The following NUBP1 variants were observed in gnomAD, a reference collection of about 807,000 sequenced individuals.
The protein encoded by NUBP1 is NUBP iron-sulfur cluster assembly factor 1, cytosolic, also known as cytosolic Fe-S cluster assembly factor NUBP1.
Under a neutral mutation model 41.8 loss-of-function variants are expected in NUBP1, and 46 were observed. The ratio of observed to expected loss-of-function variants is 1.10; its 90% CI spans 0.87 to 1.41. NUBP1 has a LOEUF of 1.41. NUBP1 is among the 40% of genes most tolerant of loss of function. The probability of loss-of-function intolerance (pLI) is 0.00; values close to 1 mark genes in which losing one functional copy is unlikely to be tolerated. For synonymous variants in NUBP1, 189 were observed against 154.6 expected, an observed-to-expected ratio of 1.22 and a Z score of -1.65; for missense variants, 494 against 414.0, an observed-to-expected ratio of 1.19 and a Z score of -1.68.
Position 10,743,850 on chromosome 16 carries a change from GC to G in NUBP1, c.-13del. The G allele has an allele frequency of 6.4e-7, 1 of 1,560,076 alleles. No individual in the cohort carries two copies. Among genetic ancestry groups the G allele is most frequent in the South Asian group, 1.2e-5 (1 of 84,546 alleles). On this transcript the variant is annotated 5_prime_UTR_variant, in exon 1 of 11. Transcript: ENST00000283027. ...GCGGGTTCCGGTGACCACGAAGGCG[GC>G]AAAGGCGACGGAATGGAGGAGGTGC...
intron 7 of NUBP1, among the ~76,000 whole-genome samples, chr16:10,760,670 AAGGCTGCAGTG>A (rs1209917390): frequency 1.3e-5 from 2 of 152,154 alleles, no homozygotes; most frequent in African/African-American, 4.8e-5. Flanking sequence ...CCAGGAGGTC[AAGGCTGCAGTG>A]AGCAATGATT....
Position 10,767,916 on chromosome 16 carries a change from A to G in NUBP1, c.821-33A>G, listed in dbSNP as rs760645512. On this transcript the variant is annotated intron_variant, in intron 9 of 10. Coordinates refer to ENST00000283027, the MANE Select transcript of NUBP1 (RefSeq NM_002484.4). The surrounding 1 kb of genome is among the most constrained non-coding windows in gnomAD (Gnocchi z 4.6). ...TGTGGCCATTCTGTTTTCCTCTTGG[A>G]CTGAATTGTCTTCCGTTTGTTTCTT... The G allele has an allele frequency of 6.2e-7, 1 of 1,601,458 alleles. No individual in the cohort carries two copies. The highest frequency in any genetic ancestry group is 8.6e-7 in the Non-Finnish European group (1 of 1,168,588).
chr16:10,766,565 C>G lies in NUBP1; in HGVS notation c.821-1384C>G, dbSNP rs2030904538. 1 of 165,526 alleles carries G rather than the reference C, an allele frequency of 6.0e-6. No homozygotes were observed. 10.3% of individuals were successfully genotyped at this position (165,526 alleles called of 1,614,324 possible). ...CCAGGTCTGGCCCAGCGAACGTGCA[C>G]TCAGGGGCCTCCCTAGCGAGTTCCA... On this transcript the variant is annotated intron_variant, in intron 9 of 10. Coordinates refer to ENST00000283027, the MANE Select transcript of NUBP1 (RefSeq NM_002484.4). This position sits in a 1 kb window ranked among gnomAD's most constrained non-coding sequence, Gnocchi z 4.8.
intron 4 of NUBP1, among the ~76,000 whole-genome samples, chr16:10,753,641 C>G (rs748705841): frequency 2.0e-5 from 3 of 151,968 alleles, no homozygotes; most frequent in Non-Finnish European, 2.9e-5. Flanking sequence ...CATGAAGACC[C>G]CTGTCTGGGT....
rs1320401941 is a variant in NUBP1 at position 10,749,376 on chromosome 16, G to A, written c.258+2100G>A. ...TCACCACTTGCAAGTAACCACTTGT[G>A]AGTAGACAACTGTTTACATCCTTCA... On this transcript the variant is annotated intron_variant, in intron 3 of 10. Transcript: ENST00000283027. This position sits in a 1 kb window ranked among gnomAD's most constrained non-coding sequence, Gnocchi z 4.1. Among the ~76,000 whole-genome samples, 1 of 152,174 alleles carries A rather than the reference G, an allele frequency of 6.6e-6. No individual in the cohort carries two copies. The highest frequency in any genetic ancestry group is 2.4e-5 in the African/African-American group (1 of 41,444).
At chr16:10,750,021 C>A (rs1285918235) in intron 3 of NUBP1, among the ~76,000 whole-genome samples, 6 of 152,096 alleles carry the variant, frequency 3.9e-5, no homozygotes, top group Non-Finnish European at 7.4e-5. Context: ...AGACCCCTGT[C>A]TCTACAAAAC....
At chr16:10,752,255 C>G (rs1457538689) in intron 3 of NUBP1, among the ~76,000 whole-genome samples, 1 of 152,198 alleles carries the variant, frequency 6.6e-6, no homozygotes, top group Non-Finnish European at 1.5e-5. Context: ...GCTGTTCCAT[C>G]CATTCTGTCA....
Position 10,757,103 on chromosome 16 carries a change from C to G in NUBP1, c.451+323C>G, listed in dbSNP as rs747295472. Among the ~76,000 whole-genome samples the G allele has an allele frequency of 2.1e-4, 32 of 152,070 alleles. 1 individual carries two copies. Among genetic ancestry groups the G allele is most frequent in the Admixed American group, 9.8e-4 (15 of 15,250 alleles). ...TCACCTGAGGTCAGGAGTTCAAGAC[C>G]AGCCTCGCCGACATGGTGAAACCCT... On this transcript the variant is annotated intron_variant, in intron 6 of 10. Transcript: ENST00000283027. The surrounding 1 kb of genome is among the most constrained non-coding windows in gnomAD (Gnocchi z 4.1).
In NUBP1 at chr16:10,767,674, A is replaced by C; in HGVS notation, c.821-275A>C. On this transcript the variant is annotated intron_variant, in intron 9 of 10. Coordinates refer to ENST00000283027, the MANE Select transcript of NUBP1 (RefSeq NM_002484.4). The surrounding 1 kb of genome is among the most constrained non-coding windows in gnomAD (Gnocchi z 4.6). ...TCTTAAAATGCAGACTCCTGGGCCC[A>C]TGTGGAAGCTGCTGAATCAGTTCTC... 2 of 506,662 alleles carry C rather than the reference A, an allele frequency of 3.9e-6. No individual in the cohort carries two copies. Among genetic ancestry groups the C allele is most frequent in the Non-Finnish European group, 3.5e-6 (1 of 285,634 alleles). 31.4% of individuals were successfully genotyped at this position (506,662 alleles called of 1,614,324 possible).
chr16:10,767,893 T>G lies in NUBP1; in HGVS notation c.821-56T>G. On this transcript the variant is annotated intron_variant, in intron 9 of 10. Coordinates refer to ENST00000283027, the MANE Select transcript of NUBP1 (RefSeq NM_002484.4). The surrounding 1 kb of genome is among the most constrained non-coding windows in gnomAD (Gnocchi z 4.6). ...GCACGGAAAGAGCCCCAAGATCTTG[T>G]GGCCATTCTGTTTTCCTCTTGGACT... The G allele has an allele frequency of 6.7e-7, 1 of 1,488,496 alleles. No individual in the cohort carries two copies. Among genetic ancestry groups the G allele is most frequent in the Non-Finnish European group, 9.4e-7 (1 of 1,065,804 alleles). The allele number at this position is 1,488,496 out of a possible 1,614,324, so 92.2% of individuals were successfully genotyped here.
In NUBP1 at chr16:10,768,591, C is replaced by T. The variant is rs531812212; in HGVS notation, c.905-456C>T. ...CACTGCACTCCAGCCTGGGCAACAG[C>T]GTGAGACCGTGTCTCAAAAAAATAA... is the stretch of plus-strand genomic sequence containing the variant. On this transcript the variant is annotated intron_variant, in intron 10 of 10. Coordinates refer to ENST00000283027, the MANE Select transcript of NUBP1 (RefSeq NM_002484.4). The surrounding 1 kb of genome is among the most constrained non-coding windows in gnomAD (Gnocchi z 4.3). 14 of 157,580 alleles carry T rather than the reference C, an allele frequency of 8.9e-5. No homozygotes were observed. The highest frequency in any genetic ancestry group is 2.4e-4 in the African/African-American group (10 of 41,628). 9.8% of individuals were successfully genotyped at this position (157,580 alleles called of 1,614,324 possible). A position where few individuals can be genotyped will look rare whatever the true frequency, so the allele number is the denominator to read the frequency against.
rs1024737244 is a variant in NUBP1, at chr16:10,768,991, G to C, written c.905-56G>C. On this transcript the variant is annotated intron_variant, in intron 10 of 10. Transcript: ENST00000283027. The surrounding 1 kb of genome is among the most constrained non-coding windows in gnomAD (Gnocchi z 4.3). Reference sequence around the variant, plus strand: ...ACAGCCCTCCCCAGCACAGGACAGGGCTGTCAAGGGGTAGACAAGCCATTA... The same window carrying C: ...ACAGCCCTCCCCAGCACAGGACAGGCCTGTCAAGGGGTAGACAAGCCATTA... The C allele has an allele frequency of 6.6e-7, 1 of 1,510,200 alleles. No homozygotes were observed. Among genetic ancestry groups the C allele is most frequent in the Non-Finnish European group, 9.2e-7 (1 of 1,085,680 alleles). The allele number at this position is 1,510,200 out of a possible 1,614,324, so 93.5% of individuals were successfully genotyped here. A position where few individuals can be genotyped will look rare whatever the true frequency, so the allele number is the denominator to read the frequency against.
At chr16:10,760,681 G>A (rs1393817976) in intron 7 of NUBP1, among the ~76,000 whole-genome samples, 1 of 152,120 alleles carries the variant, frequency 6.6e-6, no homozygotes, top group Non-Finnish European at 1.5e-5. Context: ...AGGCTGCAGT[G>A]AGCAATGATT....
rs529294374 is a variant in NUBP1 at position 10,765,044 on chromosome 16, G to A, written c.821-2905G>A. On this transcript the variant is annotated intron_variant, in intron 9 of 10. Transcript: ENST00000283027. This position sits in a 1 kb window ranked among gnomAD's most constrained non-coding sequence, Gnocchi z 4.0. ...GCGTGCCTGCCCGAGTGCCATGCTC[G>A]TCTCAGTCACTAGCTAGGAGCAGCC... 58 of 156,658 alleles carry A rather than the reference G, an allele frequency of 3.7e-4. No individual in the cohort carries two copies. In the South Asian group the frequency reaches 5.3e-3, roughly 14 times the overall value. The allele number at this position is 156,658 out of a possible 1,614,324, so 9.7% of individuals were successfully genotyped here.
chr16:10,745,269 G>A (rs935816128), intron 2 of NUBP1, among the ~76,000 whole-genome samples: 3 of 151,412 alleles, frequency 2.0e-5, no homozygotes, highest in African/African-American at 7.3e-5. Context: ...AGGAGTTCGA[G>A]ACCAGCCTGG....
Position 10,761,797 on chromosome 16 carries a change from A to G in NUBP1, c.758A>G (p.Glu253Gly), listed in dbSNP as rs760793095. The change falls in exon 9 of 11, where the codon GAG becomes GGG. Residue 253 changes from glutamate to glycine, a missense_variant. Transcript: ENST00000283027. ...QIFPPTTGGAELMCQDLEVPL... is the reference protein window; with the variant it reads ...QIFPPTTGGAGLMCQDLEVPL... ...TTCCCTCCCACAACCGGGGGCGCGG[A>G]GCTCATGTGCCAGGACTTGGAGGTC... 6.2e-6 allele frequency: 10 copies of G among 1,613,948 alleles called. No individual in the cohort carries two copies. Among genetic ancestry groups the G allele is most frequent in the Non-Finnish European group, 8.5e-6 (10 of 1,179,942 alleles).
chr16:10,752,654 G>C lies in NUBP1; in HGVS notation c.303G>C (p.Lys101Asn), dbSNP rs2233535. ...ATATATGTGGGCCATCGATTCCCAA[G>C]ATAATGGGATTGGAAGGAGAGCAGG... ...DIDICGPSIPKIMGLEGEQVH... is the reference protein window; with the variant it reads ...DIDICGPSIPNIMGLEGEQVH... Residue 101 changes from lysine to asparagine, a missense_variant, in exon 4 of 11, where the codon AAG (lysine) becomes AAC (asparagine). Physicochemically the swap from Lys to Asn is moderately conservative, Grantham distance 94. Transcript: ENST00000283027. 1.2e-5 allele frequency: 19 copies of C among 1,613,746 alleles called. No homozygotes were observed. In the Admixed American group the frequency reaches 1.8e-4, roughly 16 times the overall value.
Position 10,765,665 on chromosome 16 carries a change from A to G in NUBP1, c.821-2284A>G, listed in dbSNP as rs2030771962. On this transcript the variant is annotated intron_variant, in intron 9 of 10. Coordinates refer to ENST00000283027, the MANE Select transcript of NUBP1 (RefSeq NM_002484.4). This position sits in a 1 kb window ranked among gnomAD's most constrained non-coding sequence, Gnocchi z 4.0. ...TTCTTCCAAAGAGCCAGCAACCTCC[A>G]TCTTCCCACCTCCCTCACACCAAGC... 6.6e-6 allele frequency among the ~76,000 whole-genome samples: 1 copy of G among 152,134 alleles called. No homozygotes were observed. The highest frequency in any genetic ancestry group is 6.5e-5 in the Admixed American group (1 of 15,274).
intron 4 of NUBP1, among the ~76,000 whole-genome samples, chr16:10,754,335 C>T (rs1032154026): frequency 2.6e-5 from 4 of 152,010 alleles, no homozygotes; most frequent in Non-Finnish European, 2.9e-5. Flanking sequence ...CTCCGCCTCC[C>T]GGGCTCAAGC....
Sources: allele counts gnomAD v4.1 joint callset (sites outside exome capture counted in the v4.1 genomes callset), GRCh38; gene constraint gnomAD v4.1.1; non-coding constraint Gnocchi (gnomAD v3.1); transcripts MANE v1.5; gene names NCBI Gene and HGNC (gene_info 2026-07-23, HGNC 2026-07-21).